BMP6: variants seen among roughly 807,000 people sequenced by gnomAD.
The protein encoded by BMP6 is VG-1-R.
BMP6 carries 17 observed loss-of-function variants against 54.1 expected under a neutral mutation model. The ratio of observed to expected loss-of-function variants is 0.31; its 90% CI spans 0.22 to 0.47. The LOEUF is 0.47. Ranked by LOEUF, BMP6 falls within the 20% of genes least tolerant of loss-of-function variation. The pLI, the probability that BMP6 is intolerant of heterozygous loss-of-function variation, is 1.00. For missense variants in BMP6, 720 were observed against 690.4 expected (o/e 1.04, Z -0.48); for synonymous variants, 328 against 291.2 (o/e 1.13, Z -1.28).
chr6:7,810,817 T>G (rs377000420), intron 1 of BMP6, among the ~76,000 whole-genome samples: 2 of 152,230 alleles, frequency 1.3e-5, no homozygotes, highest in Admixed American at 6.5e-5. Flanking sequence ...ATCTTGCTTC[T>G]CTGCTACCTA....
At chr6:7,753,354 C>A (rs758683630) in intron 1 of BMP6, among the ~76,000 whole-genome samples, 15 of 152,210 alleles carry the variant, frequency 9.9e-5, no homozygotes, top group Non-Finnish European at 2.1e-4. Context: ...ATGTATGTAT[C>A]CCTGCTACCC....
At chr6:7,799,297 G>A (rs986724199) in intron 1 of BMP6, among the ~76,000 whole-genome samples, 3 of 152,136 alleles carry the variant, frequency 2.0e-5, no homozygotes, top group African/African-American at 7.2e-5. Flanking sequence ...TGTGATGGTC[G>A]CCACATCTCA....
Position 7,777,560 on chromosome 6 carries a change from A to G in BMP6, c.664+49941A>G, listed in dbSNP as rs116834445. On this transcript the variant is annotated intron_variant, in intron 1 of 6. Transcript: ENST00000283147. Reference sequence around the variant, plus strand: ...GCCAGTTGGGTAAGAAGGAAGTGCCATGTTTCTTAGAAGACTTCTGGTGTT... The same window carrying G: ...GCCAGTTGGGTAAGAAGGAAGTGCCGTGTTTCTTAGAAGACTTCTGGTGTT... Among the ~76,000 whole-genome samples the G allele has an allele frequency of 8.6e-3, 1,312 of 152,202 alleles. 34 individuals carry two copies. Among genetic ancestry groups the G allele is most frequent in the African/African-American group, 0.03 (1,240 of 41,526 alleles).
chr6:7,759,699 T>C (rs866447423), intron 1 of BMP6, among the ~76,000 whole-genome samples: 4 of 123,434 alleles, frequency 3.2e-5, no homozygotes, highest in African/African-American at 6.6e-5. Context: ...TCTTCTTCTT[T>C]TTTTTTTTTT....
Position 7,764,103 on chromosome 6 carries a change from G to A in BMP6, c.664+36484G>A, listed in dbSNP as rs1757651352. ...TCCAGGGCTTGGGAGGAGCAGGCGAGGCGCAGCAGGGCCGGGACCATGTGT... is the reference window on the plus strand; with the variant it reads ...TCCAGGGCTTGGGAGGAGCAGGCGAAGCGCAGCAGGGCCGGGACCATGTGT... On this transcript the variant is annotated intron_variant, in intron 1 of 6. Transcript: ENST00000283147. 3.9e-5 allele frequency among the ~76,000 whole-genome samples: 6 copies of A among 152,330 alleles called. No homozygotes were observed. In the South Asian group the frequency reaches 1.2e-3, roughly 32 times the overall value.
At position 7,726,833 on chromosome 6, in the gene BMP6, G is replaced by A; in HGVS notation, c.-123G>A. The A allele has an allele frequency of 1.9e-6, 1 of 520,490 alleles. No individual in the cohort carries two copies. The highest frequency in any genetic ancestry group is 2.5e-6 in the Non-Finnish European group (1 of 394,304). 32.2% of individuals were successfully genotyped at this position (520,490 alleles called of 1,614,324 possible). Reference sequence around the variant, plus strand: ...GATAAGGACTGAGGGCCAGGAAGGGGAAGCGAGCCCGCCGAGAGGTGGCGG... The same window carrying A: ...GATAAGGACTGAGGGCCAGGAAGGGAAAGCGAGCCCGCCGAGAGGTGGCGG... On this transcript the variant is annotated 5_prime_UTR_variant, in exon 1 of 7. Coordinates refer to ENST00000283147, the MANE Select transcript of BMP6 (RefSeq NM_001718.6).
intron 1 of BMP6, among the ~76,000 whole-genome samples, chr6:7,814,729 T>C (rs1047435483): frequency 3.3e-5 from 5 of 152,116 alleles, no homozygotes; most frequent in African/African-American, 1.2e-4. Context: ...AGTGTCTTGG[T>C]CTCCTCAATC....
rs563943604 is a variant in BMP6 at position 7,774,687 on chromosome 6, T to C, written c.664+47068T>C. Among the ~76,000 whole-genome samples the C allele has an allele frequency of 9.8e-5, 15 of 152,344 alleles. No homozygotes were observed. The East Asian group carries it at 2.9e-3, about 29-fold the overall frequency. On this transcript the variant is annotated intron_variant, in intron 1 of 6. Coordinates refer to ENST00000283147, the MANE Select transcript of BMP6 (RefSeq NM_001718.6). ...TCGTGCCACTGCACTCCAGCCTGGA[T>C]GACAGAGTGAGACTCCGTCAAAAAA...
intron 1 of BMP6, among the ~76,000 whole-genome samples, chr6:7,796,072 A>G (rs1310975903): frequency 6.6e-6 from 1 of 152,202 alleles, no homozygotes; most frequent in Non-Finnish European, 1.5e-5. Context: ...TAACACCATG[A>G]GGGCAGATGA....
chr6:7,759,860 T>G (rs1458235633), intron 1 of BMP6, among the ~76,000 whole-genome samples: 1 of 151,396 alleles, frequency 6.6e-6, no homozygotes. Flanking sequence ...CCAGCCACCA[T>G]GCCTGGCTAA....
chr6:7,775,604 G>A (rs987298572), intron 1 of BMP6, among the ~76,000 whole-genome samples: 7 of 152,194 alleles, frequency 4.6e-5, no homozygotes, highest in Non-Finnish European at 7.3e-5. Context: ...CTGTGTGTCC[G>A]CCTGCCTGTT....
At chr6:7,789,050 A>G (rs142108398) in intron 1 of BMP6, among the ~76,000 whole-genome samples, 31 of 152,322 alleles carry the variant, frequency 2.0e-4, no homozygotes, top group African/African-American at 7.0e-4. Flanking sequence ...TGATTGGCCT[A>G]TGTATACATT....
intron 1 of BMP6, among the ~76,000 whole-genome samples, chr6:7,828,543 G>A (rs1159112473): frequency 6.6e-6 from 1 of 152,226 alleles, no homozygotes; most frequent in Non-Finnish European, 1.5e-5. Flanking sequence ...AGATTCAAGT[G>A]TCTGTCCCTT....
At chr6:7,820,209 G>GTTT (rs1171213929) in intron 1 of BMP6, among the ~76,000 whole-genome samples, 1 of 152,198 alleles carries the variant, frequency 6.6e-6, no homozygotes, top group Non-Finnish European at 1.5e-5. Context: ...ATATACAAAT[G>GTTT]ACATCACCCC....
intron 1 of BMP6, among the ~76,000 whole-genome samples, chr6:7,826,480 T>A (rs1178847945): frequency 6.6e-6 from 1 of 152,164 alleles, no homozygotes; most frequent in African/African-American, 2.4e-5. Context: ...TACTTACGAC[T>A]TATGTTGCAC....
At chr6:7,861,426 C>G in intron 2 of BMP6, 25 bp from the exon 3 acceptor site, 1 of 1,612,736 alleles carries the variant, frequency 6.2e-7, no homozygotes, top group South Asian at 1.1e-5. Context: ...GCGCTATTTA[C>G]CAGGCCATTT....
At position 7,819,429 on chromosome 6, in the gene BMP6, C is replaced by T. The variant is rs149554694; in HGVS notation, c.665-25711C>T. On this transcript the variant is annotated intron_variant, in intron 1 of 6. Transcript: ENST00000283147. ...TTATGTGCTAATGTTTTAGGGATTG[C>T]ATGGCTGATAACAGTATTTTTTTTT... Among the ~76,000 whole-genome samples, 3 of 152,178 alleles carry T rather than the reference C, an allele frequency of 2.0e-5. No homozygotes were observed. In the East Asian group the frequency reaches 5.8e-4, roughly 29 times the overall value.
At chr6:7,797,541 G>A (rs1366259669) in intron 1 of BMP6, among the ~76,000 whole-genome samples, 1 of 152,196 alleles carries the variant, frequency 6.6e-6, no homozygotes, top group East Asian at 1.9e-4. Flanking sequence ...AGAAACAAGA[G>A]TGGGTGCTGA....
intron 1 of BMP6, among the ~76,000 whole-genome samples, chr6:7,731,966 A>T (rs1260732659): frequency 6.6e-6 from 1 of 152,232 alleles, no homozygotes; most frequent in African/African-American, 2.4e-5. Context: ...CAGAAAAGGG[A>T]ATCAGTATAT....
Sources: gnomAD v4.1 joint callset for allele counts (sites outside exome capture counted in the v4.1 genomes callset) on GRCh38, gnomAD v4.1.1 for gene constraint, MANE v1.5 for transcripts, NCBI Gene and HGNC (gene_info 2026-07-23, HGNC 2026-07-21) for gene names.